PTPRQ: variants seen among roughly 807,000 people sequenced by gnomAD.
PTPRQ encodes the protein phosphatidylinositol phosphatase PTPRQ.
A neutral mutation model predicts 246.0 loss-of-function variants in PTPRQ; 199 were observed. The ratio of observed to expected loss-of-function variants is 0.81; its 90% confidence interval spans 0.72 to 0.91. The LOEUF (loss-of-function observed/expected upper bound fraction) is 0.91, where lower values mean the gene tolerates loss of function less well. PTPRQ is among the 40% of genes least tolerant of loss of function. The pLI, the probability that PTPRQ is intolerant of heterozygous loss-of-function variation, is 0.00. For synonymous variants in PTPRQ, 869 were observed against 853.2 expected, an observed-to-expected ratio of 1.02 and a Z score of -0.32; for missense variants, 2,624 against 2,528.4, an observed-to-expected ratio of 1.04 and a Z score of -0.81.
chr12:80,547,365 A>AT (rs377083078), intron 24 of PTPRQ, among the ~76,000 whole-genome samples: 1,706 of 149,918 alleles, frequency 0.011, 36 homozygotes, highest in African/African-American at 0.038. Context: ...CCTCTTCTTA[A>AT]TTTTTTTTTT....
intron 25 of PTPRQ, among the ~76,000 whole-genome samples, chr12:80,551,764 A>G (rs1488954249): frequency 6.6e-6 from 1 of 151,932 alleles, no homozygotes; most frequent in African/African-American, 2.4e-5. Flanking sequence ...ATCTTCTCAT[A>G]TAGCTGATGT....
At chr12:80,480,571 C>T (rs4460868) in intron 8 of PTPRQ, among the ~76,000 whole-genome samples, 128,545 of 143,966 alleles carry the variant, frequency 0.89, 57,997 homozygotes, top group Non-Finnish European at 0.93. Flanking sequence ...TTCAAAAAAT[C>T]AATGAATCCA....
chr12:80,591,914 C>T (rs1184826666), intron 26 of PTPRQ, among the ~76,000 whole-genome samples: 1 of 152,160 alleles, frequency 6.6e-6, no homozygotes. Flanking sequence ...CAGTCTCTTG[C>T]AAGCACACTT....
intron 25 of PTPRQ, among the ~76,000 whole-genome samples, chr12:80,564,932 TA>T (rs1334897166): frequency 4.6e-5 from 7 of 152,330 alleles, no homozygotes; most frequent in African/African-American, 1.7e-4. Flanking sequence ...TTAACATGTA[TA>T]GATACATTTA....
rs190602143 is a variant in PTPRQ, at chr12:80,477,249, T to C, written c.1186+4998T>C. Among the ~76,000 whole-genome samples the C allele has an allele frequency of 1.2e-3, 188 of 152,236 alleles. 2 individuals carry two copies. The highest frequency in any genetic ancestry group is 1.5e-3 in the Non-Finnish European group (105 of 68,004). ...AAAAATCAATCAACTCTTCAAACAA[T>C]TTCATGTAATAAATTAAAACGCAGT... On this transcript the variant is annotated intron_variant, in intron 8 of 44. Coordinates refer to ENST00000644991, the MANE Select transcript of PTPRQ (RefSeq NM_001145026.2).
chr12:80,662,050 C>T (rs889822232), intron 39 of PTPRQ, among the ~76,000 whole-genome samples: 3 of 151,910 alleles, frequency 2.0e-5, no homozygotes, highest in Non-Finnish European at 4.4e-5. Context: ...TTCAAACTTA[C>T]TGCCTTCTTC....
At chr12:80,535,060 G>A in intron 19 of PTPRQ, 23 bp downstream of exon 19, 1 of 1,479,128 alleles carries the variant, frequency 6.8e-7, no homozygotes, top group Non-Finnish European at 8.9e-7. Flanking sequence ...TTTTCTTCTA[G>A]TTCTTTATTA....
chr12:80,445,831 C>A (rs1592508299), intron 3 of PTPRQ, 114 bp downstream of exon 3: 2 of 715,476 alleles, frequency 2.8e-6, no homozygotes, highest in Non-Finnish European at 2.4e-6. Flanking sequence ...CAGTGACTGA[C>A]AACGTTCACA....
intron 34 of PTPRQ, among the ~76,000 whole-genome samples, chr12:80,632,956 G>T (rs112505865): frequency 6.6e-6 from 1 of 152,262 alleles, no homozygotes; most frequent in African/African-American, 2.4e-5. Flanking sequence ...TGAGCTGCTG[G>T]GCTCTCACAA....
At chr12:80,673,407 A>G in intron 43 of PTPRQ, 103 bp downstream of exon 43, 1 of 1,452,264 alleles carries the variant, frequency 6.9e-7, no homozygotes, top group Non-Finnish European at 9.1e-7. Context: ...AGCTGTGGAC[A>G]CCTTCTTTTC....
intron 39 of PTPRQ, among the ~76,000 whole-genome samples, chr12:80,660,692 C>T (rs558431125): frequency 1.8e-4 from 28 of 151,986 alleles, no homozygotes; most frequent in African/African-American, 6.7e-4. Flanking sequence ...GGCTATCATG[C>T]AAATGGTTGC....
At chr12:80,484,680 T>A in intron 9 of PTPRQ, 75 bp downstream of exon 9, 1 of 1,500,328 alleles carries the variant, frequency 6.7e-7, no homozygotes, top group Non-Finnish European at 8.9e-7. Context: ...GAAGATTTGC[T>A]AGCACCCACA....
At chr12:80,499,883 A>ACTTTGAGAAGTTG (rs1346761674) in intron 14 of PTPRQ, among the ~76,000 whole-genome samples, 1 of 151,950 alleles carries the variant, frequency 6.6e-6, no homozygotes, top group East Asian at 1.9e-4. Context: ...TGTAATAATC[A>ACTTTGAGAAGTTG]TAAATACAAC....
intron 35 of PTPRQ, among the ~76,000 whole-genome samples, chr12:80,635,867 A>C (rs1261203076): frequency 6.6e-6 from 1 of 152,156 alleles, no homozygotes; most frequent in African/African-American, 2.4e-5. Context: ...GTTGTTACCA[A>C]GTATTTGCTC....
At position 80,679,624 on chromosome 12, in the gene PTPRQ, G is replaced by C. The variant is rs1901253626; in HGVS notation, c.*601G>C. 1 of 151,860 alleles carries C rather than the reference G, an allele frequency of 6.6e-6. No homozygotes were observed. The highest frequency in any genetic ancestry group is 2.1e-4 in the South Asian group (1 of 4,812). 9.4% of individuals were successfully genotyped at this position (151,860 alleles called of 1,614,324 possible). The stretch of plus-strand genomic sequence containing the variant: ...ACAGTAGCTCTTCAGGGACACTTAG[G>C]GCTATTTAATTTGCATTGTGATCTT... On this transcript the variant is annotated 3_prime_UTR_variant, in exon 45 of 45. Coordinates refer to ENST00000644991, the MANE Select transcript of PTPRQ (RefSeq NM_001145026.2).
At chr12:80,676,081 G>C (rs950119176) in intron 43 of PTPRQ, among the ~76,000 whole-genome samples, 2 of 152,138 alleles carry the variant, frequency 1.3e-5, no homozygotes, top group Non-Finnish European at 2.9e-5. Flanking sequence ...GTTCCCAGAA[G>C]TTAGGCTCTT....
At chr12:80,502,023 G>A (rs1222546927) in intron 14 of PTPRQ, among the ~76,000 whole-genome samples, 3 of 151,916 alleles carry the variant, frequency 2.0e-5, no homozygotes, top group Admixed American at 2.0e-4. Flanking sequence ...AGTAATAGCT[G>A]AAGGAACAAG....
chr12:80,444,707 A>G (rs1292363414), intron 1 of PTPRQ, 34 bp from the exon 2 acceptor site: 2 of 1,479,344 alleles, frequency 1.4e-6, no homozygotes, highest in Admixed American at 2.0e-5. Flanking sequence ...TCCAGAAAGA[A>G]TTTTAATGCA....
At chr12:80,465,025 A>G (rs900998265) in intron 6 of PTPRQ, among the ~76,000 whole-genome samples, 8 of 102,300 alleles carry the variant, frequency 7.8e-5, no homozygotes, top group African/African-American at 2.7e-4. Context: ...TGAAGGACAT[A>G]GAGACACAAA....
Sources: gnomAD v4.1 joint callset for allele counts (sites outside exome capture counted in the v4.1 genomes callset) on GRCh38, gnomAD v4.1.1 for gene constraint, MANE v1.5 for transcripts, NCBI Gene and HGNC (gene_info 2026-07-23, HGNC 2026-07-21) for gene names.